SP4: variants seen among roughly 807,000 people sequenced by gnomAD.
SP4 encodes Sp4 transcription factor.
In SP4, 19 loss-of-function variants were observed where a neutral mutation model predicts 72.8. The ratio of observed to expected loss-of-function variants is 0.26; its 90% CI spans 0.18 to 0.38. The LOEUF (loss-of-function observed/expected upper bound fraction) is 0.38. Among genes scored for constraint, SP4 ranks in the 10% least tolerant of loss-of-function variants. The pLI, the probability that SP4 is intolerant of heterozygous loss-of-function variation, is 1.00. For missense variants in SP4, 1,008 were observed against 926.3 expected (o/e 1.09, Z -1.14); for synonymous variants, 395 against 333.1 (o/e 1.19, Z -2.02).
Position 21,435,847 on chromosome 7 carries a change from AT to A in SP4, c.1678+5018del, listed in dbSNP as rs113136334. On this transcript the variant is annotated intron_variant, in intron 3 of 5. Transcript: ENST00000222584. ...AGCCACATTAATTTTGTAAAAGGGC[AT>A]TTTTTTTTTTTTTAAGAAGGACTTC... 9.1e-3 allele frequency among the ~76,000 whole-genome samples: 1,310 copies of A among 144,442 alleles called. 15 individuals are homozygous for A. The highest frequency in any genetic ancestry group is 0.02 in the African/African-American group (805 of 39,710). 94.8% of individuals were successfully genotyped at this position (144,442 alleles called of 152,430 possible). A position where few individuals can be genotyped will look rare whatever the true frequency, so the allele number is the denominator to read the frequency against.
chr7:21,502,108 T>C (rs1386046631), intron 5 of SP4, among the ~76,000 whole-genome samples: 1 of 134,252 alleles, frequency 7.4e-6, no homozygotes, highest in Non-Finnish European at 1.5e-5. Flanking sequence ...GTCAAATCTC[T>C]CCGGTTTTGG....
chr7:21,491,220 T>A (rs1784970264), intron 5 of SP4, among the ~76,000 whole-genome samples: 1 of 152,136 alleles, frequency 6.6e-6, no homozygotes, highest in African/African-American at 2.4e-5. Context: ...CTATAAAAAC[T>A]ATAAAAAAGA....
At chr7:21,510,235 G>A (rs3823777) in intron 5 of SP4, among the ~76,000 whole-genome samples, 13,088 of 152,142 alleles carry the variant, frequency 0.086, 1,537 homozygotes, top group East Asian at 0.54. Flanking sequence ...AGTCCCTTAA[G>A]TAACAATTTT....
rs139145246 is a variant in SP4, at chr7:21,436,980, A to G, written c.1678+6137A>G. On this transcript the variant is annotated intron_variant, in intron 3 of 5. Coordinates refer to ENST00000222584, the MANE Select transcript of SP4 (RefSeq NM_003112.5). ...TGACTTCTCCTCCAGTTGTCTTTCT[A>G]CTGCATTTTTGGGTTTGCTTTTTGG... Among the ~76,000 whole-genome samples the G allele has an allele frequency of 1.2e-4, 18 of 152,268 alleles. No individual in the cohort carries two copies. In the South Asian group the frequency reaches 2.1e-3, roughly 18 times the overall value.
chr7:21,455,999 A>G (rs1453874888), intron 3 of SP4, among the ~76,000 whole-genome samples: 2 of 152,190 alleles, frequency 1.3e-5, no homozygotes, highest in Admixed American at 6.5e-5. Context: ...AGGGCATGGA[A>G]GTAATTCGTG....
chr7:21,467,074 A>C (rs1348056222), intron 3 of SP4, among the ~76,000 whole-genome samples: 3 of 152,150 alleles, frequency 2.0e-5, no homozygotes, highest in Admixed American at 6.5e-5. Context: ...TGGATTTCTT[A>C]ATCTCAGCAT....
chr7:21,493,587 G>A (rs879150759), intron 5 of SP4, among the ~76,000 whole-genome samples: 1 of 152,122 alleles, frequency 6.6e-6, no homozygotes, highest in Non-Finnish European at 1.5e-5. Flanking sequence ...TAAATTTGAG[G>A]ACTTAGATAA....
chr7:21,462,659 G>A (rs1042603608), intron 3 of SP4, among the ~76,000 whole-genome samples: 1 of 152,226 alleles, frequency 6.6e-6, no homozygotes, highest in African/African-American at 2.4e-5. Flanking sequence ...AATTATGGCA[G>A]TGTATGAAAT....
chr7:21,504,727 C>T (rs2390539), intron 5 of SP4, among the ~76,000 whole-genome samples: 110,625 of 152,172 alleles, frequency 0.73, 41,161 homozygotes, highest in East Asian at 0.9. Context: ...TTATGAAGAA[C>T]GTGTTCAAAC....
intron 3 of SP4, among the ~76,000 whole-genome samples, chr7:21,431,649 C>T (rs7802728): frequency 1 from 152,320 of 152,322 alleles, 76,159 homozygotes; most frequent in Middle Eastern, 1. Flanking sequence ...ATATAAATAG[C>T]TCCTTCTGAA....
intron 3 of SP4, among the ~76,000 whole-genome samples, chr7:21,461,564 A>AT (rs1280956560): frequency 3.3e-5 from 5 of 152,018 alleles, no homozygotes; most frequent in Non-Finnish European, 5.9e-5. Context: ...GCCCACACCC[A>AT]CCCGGAACTC....
Position 21,430,851 on chromosome 7 carries a change from C to G in SP4, c.1678+8C>G. 1.3e-6 allele frequency: 2 copies of G among 1,575,014 alleles called. No individual in the cohort carries two copies. Among genetic ancestry groups the G allele is most frequent in the African/African-American group, 1.4e-5 (1 of 73,718 alleles). ...CAATCACTAGTGTTGCAGGTAAGTT[C>G]TGACATCTTTTTAAGTACCTTTTAA... On this transcript the variant is annotated splice_region_variant and intron_variant, in intron 3 of 5. Transcript: ENST00000222584.
chr7:21,487,892 CTG>C (rs1784864415), intron 5 of SP4, among the ~76,000 whole-genome samples: 1 of 151,902 alleles, frequency 6.6e-6, no homozygotes, highest in African/African-American at 2.4e-5. Context: ...GACAGGGTCT[CTG>C]TCTGTCACCA....
intron 3 of SP4, among the ~76,000 whole-genome samples, chr7:21,457,768 TA>T (rs1373339951): frequency 1.3e-5 from 2 of 151,582 alleles, no homozygotes; most frequent in Non-Finnish European, 2.9e-5. Context: ...TTTTTTTCAA[TA>T]GGGGTGTGTG....
Position 21,446,482 on chromosome 7 carries a change from G to GTCTCTGCCA in SP4, c.1678+15641_1678+15649dup, listed in dbSNP as rs1783431704. On this transcript the variant is annotated intron_variant, in intron 3 of 5. Transcript: ENST00000222584. ...AGAGCTCTGTGCTAGGTAGCAGTTT[G>GTCTCTGCCA]TCTCTGCCATTAAACAATTTTGTAA... is the stretch of plus-strand genomic sequence containing the variant. 2.0e-5 allele frequency among the ~76,000 whole-genome samples: 3 copies of GTCTCTGCCA among 151,962 alleles called. No individual in the cohort carries two copies. In the East Asian group the frequency reaches 5.8e-4, roughly 29 times the overall value.
intron 5 of SP4, among the ~76,000 whole-genome samples, chr7:21,483,336 T>C (rs898684379): frequency 6.6e-6 from 1 of 152,074 alleles, no homozygotes; most frequent in East Asian, 1.9e-4. Flanking sequence ...GCTAGTCTTT[T>C]ATCTTTGTCA....
rs146117855 is a variant in SP4, at chr7:21,495,525, A to G, written c.2107+13402A>G. On this transcript the variant is annotated intron_variant, in intron 5 of 5. Transcript: ENST00000222584. ...CATCTATTAGGGAAATGGAAAATAA[A>G]ACCATAATGCAATACTACTGTACAC... 2.1e-3 allele frequency among the ~76,000 whole-genome samples: 322 copies of G among 152,248 alleles called. 4 individuals carry two copies. The highest frequency in any genetic ancestry group is 7.8e-4 in the Non-Finnish European group (53 of 67,990).
chr7:21,458,168 G>A (rs980255553), intron 3 of SP4, among the ~76,000 whole-genome samples: 1 of 151,684 alleles, frequency 6.6e-6, no homozygotes, highest in African/African-American at 2.4e-5. Flanking sequence ...ATCAAGTGCA[G>A]TTTTCCTGTC....
intron 5 of SP4, among the ~76,000 whole-genome samples, chr7:21,487,339 T>C (rs949861046): frequency 1.3e-5 from 2 of 151,776 alleles, no homozygotes; most frequent in Non-Finnish European, 2.9e-5. Flanking sequence ...TCTCTCCCTC[T>C]CTCTCTCTTT....
Sources: gnomAD v4.1 joint callset for allele counts (sites outside exome capture counted in the v4.1 genomes callset) on GRCh38, gnomAD v4.1.1 for gene constraint, MANE v1.5 for transcripts, NCBI Gene and HGNC (gene_info 2026-07-23, HGNC 2026-07-21) for gene names.